Variants in MYPN observed in about 807,000 individuals in gnomAD.
MYPN encodes myopalladin, also known as sarcomeric protein myopalladin, 145 kDa (MYOP).
MYPN carries 63 observed loss-of-function variants against 129.4 expected under a neutral mutation model. The observed-to-expected ratio is 0.49, with a 90% CI of 0.40 to 0.60. The LOEUF is 0.60. MYPN is among the 20% of genes least tolerant of loss of function. The pLI is 0.00. For synonymous variants in MYPN, 629 were observed against 600.9 expected (o/e 1.05, Z -0.68); for missense variants, 1,596 against 1,635.4 (o/e 0.98, Z 0.42).
At chr10:68,175,131 CAA>C (rs34499359) in intron 11 of MYPN, among the ~76,000 whole-genome samples, 190 bp from the exon 12 acceptor site, 7 of 151,612 alleles carry the variant, frequency 4.6e-5, no homozygotes, top group African/African-American at 1.2e-4. Context: ...GACTCTGTCT[CAA>C]AAAAAAAATT....
rs551117249 is a variant in MYPN, at chr10:68,194,178, C to T, written c.2926-185C>T. On this transcript the variant is annotated intron_variant, in intron 13 of 19. Transcript: ENST00000358913. ...ATATTTAATATTAAATAGTATTATA[C>T]AGGTACGAGTGGAGGGGCATATTAT... Among the ~76,000 whole-genome samples, 6 of 152,016 alleles carry T rather than the reference C, an allele frequency of 3.9e-5. No individual in the cohort carries two copies. In the South Asian group the frequency reaches 6.2e-4, roughly 16 times the overall value.
In MYPN at chr10:68,189,171, T is replaced by A. The variant is rs1200628355; in HGVS notation, c.2925+45T>A. On this transcript the variant is annotated intron_variant, in intron 13 of 19. Coordinates refer to ENST00000358913, the MANE Select transcript of MYPN (RefSeq NM_032578.4). ...AGTTGGCCACCTCACAGCATGAAGC[T>A]ATAGACAGTGCCTTCAAGAAGGTCT... The A allele has an allele frequency of 2.2e-6, 3 of 1,383,064 alleles. No homozygotes were observed. In the African/African-American group the frequency reaches 4.3e-5, roughly 20 times the overall value. The allele number at this position is 1,383,064 out of a possible 1,614,324, so 85.7% of individuals were successfully genotyped here.
At chr10:68,166,156 G>A in intron 9 of MYPN, 138 bp from the exon 10 acceptor site, 1 of 982,330 alleles carries the variant, frequency 1.0e-6, no homozygotes, top group African/African-American at 1.6e-5. Flanking sequence ...ATTCTTTAAT[G>A]CCCAGATGAT....
chr10:68,151,890 C>T (rs1406983469), intron 6 of MYPN, among the ~76,000 whole-genome samples: 3 of 152,112 alleles, frequency 2.0e-5, no homozygotes, highest in East Asian at 3.9e-4. Context: ...TTATTCTCAG[C>T]CAAATATGAG....
Position 68,210,431 on chromosome 10 carries a change from T to G in MYPN, c.3939T>G (p.Ser1313Arg), listed in dbSNP as rs750175617. ...TGGTGTATTCATGCTCTTCTCGGAG[T>G]GTAGTGGAGAGTGATGAACTTTAAG... ...STMVYSCSSR[S>R]VVESDEL Residue 1313 changes from serine (S) to arginine (R), a missense_variant, in exon 20 of 20, where the codon AGT becomes AGG. Coordinates refer to ENST00000358913, the MANE Select transcript of MYPN (RefSeq NM_032578.4). The G allele has an allele frequency of 3.1e-6, 5 of 1,613,870 alleles. No homozygotes were observed. Among genetic ancestry groups the G allele is most frequent in the African/African-American group, 1.3e-5 (1 of 74,922 alleles).
chr10:68,160,895 C>A, intron 7 of MYPN, among the ~76,000 whole-genome samples: 1 of 152,266 alleles, frequency 6.6e-6, no homozygotes. Flanking sequence ...CCAGCCTGGG[C>A]AACAGAGTGA....
Position 68,174,641 on chromosome 10 carries a change from G to C in MYPN, c.2549G>C (p.Arg850Thr). 2 of 1,614,130 alleles carry C rather than the reference G, an allele frequency of 1.2e-6. No homozygotes were observed. The highest frequency in any genetic ancestry group is 1.7e-6 in the Non-Finnish European group (2 of 1,179,964). ...IPPTNAMGLPRSAPSMPSQGL... is the reference protein window; with the variant it reads ...IPPTNAMGLPTSAPSMPSQGL... ...CCCACAAATGCCATGGGGCTGCCTAGAAGTGCACCATCCATGTAAGTGTCA... is the reference window on the plus strand; with the variant it reads ...CCCACAAATGCCATGGGGCTGCCTACAAGTGCACCATCCATGTAAGTGTCA... Residue 850 changes from arginine to threonine, a missense_variant, in exon 11 of 20, where the codon AGA (arginine) becomes ACA (threonine). Transcript: ENST00000358913.
intron 2 of MYPN, among the ~76,000 whole-genome samples, chr10:68,137,354 G>T (rs148298216): frequency 2.6e-5 from 4 of 152,284 alleles, no homozygotes; most frequent in Middle Eastern, 6.8e-3. Context: ...GAAACAGGAG[G>T]AGTATTTTAA....
At chr10:68,153,619 G>A (rs2042815771) in intron 6 of MYPN, among the ~76,000 whole-genome samples, 1 of 152,136 alleles carries the variant, frequency 6.6e-6, no homozygotes, top group Admixed American at 6.5e-5. Context: ...CACTAGGATA[G>A]GCAGTGGCTC....
chr10:68,174,952 T>C (rs2043203913), intron 11 of MYPN, among the ~76,000 whole-genome samples: 1 of 152,032 alleles, frequency 6.6e-6, no homozygotes, highest in Non-Finnish European at 1.5e-5. Context: ...CTGGGCAACA[T>C]GGTGAAACCC....
At chr10:68,178,436 C>T (rs1275384576) in intron 12 of MYPN, among the ~76,000 whole-genome samples, 2 of 151,804 alleles carry the variant, frequency 1.3e-5, no homozygotes, top group African/African-American at 2.4e-5. Flanking sequence ...GGATCACGGC[C>T]GGGCATGGTG....
intron 6 of MYPN, among the ~76,000 whole-genome samples, chr10:68,151,138 T>C (rs2042763115): frequency 1.3e-5 from 2 of 152,094 alleles, no homozygotes; most frequent in South Asian, 4.2e-4. Context: ...GAAATCCTGG[T>C]TTGAGCAAAA....
chr10:68,117,835 G>A (rs2042180638), intron 1 of MYPN, among the ~76,000 whole-genome samples: 4 of 151,260 alleles, frequency 2.6e-5, no homozygotes, highest in African/African-American at 9.7e-5. Context: ...TTTATTGAAT[G>A]TTTACTAAAT....
intron 8 of MYPN, among the ~76,000 whole-genome samples, chr10:68,165,146 T>A (rs10823143): frequency 0.4 from 61,429 of 152,260 alleles, 14,244 homozygotes; most frequent in Non-Finnish European, 0.52. Flanking sequence ...CTGAGAATCC[T>A]TATTTTTACA....
Position 68,197,336 on chromosome 10 carries a change from A to G in MYPN, c.3159-16A>G. The G allele has an allele frequency of 6.2e-7, 1 of 1,612,612 alleles. No homozygotes were observed. The highest frequency in any genetic ancestry group is 8.5e-7 in the Non-Finnish European group (1 of 1,179,156). On this transcript the variant is annotated splice_polypyrimidine_tract_variant and intron_variant, in intron 15 of 19. Transcript: ENST00000358913. ...TTATTTCTATGTTTAATATCTGAAC[A>G]TGCTTGTTGTTATAGGGGAAGATCC...
chr10:68,098,362 A>G (rs2041967010), intron 1 of MYPN, among the ~76,000 whole-genome samples: 1 of 152,230 alleles, frequency 6.6e-6, no homozygotes, highest in South Asian at 2.1e-4. Flanking sequence ...CACTTTCTAA[A>G]TTAATAGATT....
At chr10:68,167,255 C>T (rs10997968) in intron 10 of MYPN, among the ~76,000 whole-genome samples, 8,913 of 152,308 alleles carry the variant, frequency 0.059, 294 homozygotes, top group African/African-American at 0.078. Flanking sequence ...TTCTGTGCTT[C>T]TCTCATAAAG....
rs2043824716 is a variant in MYPN at position 68,206,885 on chromosome 10, G to A, written c.3775G>A (p.Ala1259Thr). 14 of 1,614,076 alleles carry A rather than the reference G, an allele frequency of 8.7e-6. No homozygotes were observed. Among genetic ancestry groups the A allele is most frequent in the Non-Finnish European group, 1.1e-5 (13 of 1,180,042 alleles). ...TGAAGCCGGCATCGTGTCGTGCACT[G>A]CCAGGCTGGATATATACGGTAAGTG... ...KNEAGIVSCT[A>T]RLDIYAQWHH... The change falls in exon 19 of 20, where the codon GCC (alanine) becomes ACC (threonine). Residue 1259 changes from alanine (A) to threonine (T), a missense_variant. Coordinates refer to ENST00000358913, the MANE Select transcript of MYPN (RefSeq NM_032578.4).
chr10:68,122,206 T>A lies in MYPN; in HGVS notation c.768T>A (p.Pro256=), dbSNP rs777192532. The A allele has an allele frequency of 2.5e-6, 4 of 1,609,094 alleles. No individual in the cohort carries two copies. In the South Asian group the frequency reaches 4.4e-5, roughly 18 times the overall value. ...GAGACACTACACCAGGGTCTTCCCC[T>A]TCATCTCTGTACTATGAAGAACCTC... ...AGGDTTPGSS[P]SSLYYEEPLG... The change falls in exon 2 of 20, where the codon CCT becomes CCA. Residue 256 remains proline, a synonymous_variant. Coordinates refer to ENST00000358913, the MANE Select transcript of MYPN (RefSeq NM_032578.4).
Sources: gnomAD v4.1 joint callset for allele counts (sites outside exome capture counted in the v4.1 genomes callset) on GRCh38, gnomAD v4.1.1 for gene constraint, MANE v1.5 for transcripts, NCBI Gene and HGNC (gene_info 2026-07-23, HGNC 2026-07-21) for gene names.